The following RARB variants were observed in gnomAD, a reference collection of about 807,000 sequenced individuals.
The protein encoded by RARB is HBV-activated protein.
Under a neutral mutation model 51.9 loss-of-function variants are expected in RARB, and 17 were observed. The ratio of observed to expected loss-of-function variants is 0.33; its 90% CI spans 0.22 to 0.49. The LOEUF (loss-of-function observed/expected upper bound fraction) is 0.49, where lower values mean the gene tolerates loss of function less well. Among genes scored for constraint, RARB ranks in the 20% least tolerant of loss-of-function variants. RARB has a pLI of 0.99. For synonymous variants in RARB, 215 were observed against 195.4 expected, an observed-to-expected ratio of 1.10 and a Z score of -0.84; for missense variants, 369 against 550.8, an observed-to-expected ratio of 0.67 and a Z score of 3.30.
chr3:25,208,765 C>G (rs1052999524), intron 5 of RARB, among the ~76,000 whole-genome samples: 1 of 152,138 alleles, frequency 6.6e-6, no homozygotes, highest in African/African-American at 2.4e-5. Flanking sequence ...CACATGTTGG[C>G]TGCCAAGTTC....
intron 2 of RARB, among the ~76,000 whole-genome samples, chr3:25,036,570 C>A (rs1358102473): frequency 2.6e-5 from 4 of 152,066 alleles, no homozygotes; most frequent in Non-Finnish European, 5.9e-5. Flanking sequence ...AAAACACAAG[C>A]TTGAAGATTA....
chr3:25,419,876 C>T (rs896298597), intron 5 of RARB, among the ~76,000 whole-genome samples: 2 of 151,996 alleles, frequency 1.3e-5, no homozygotes, highest in Non-Finnish European at 2.9e-5. Context: ...CTTTGCTTAT[C>T]TTTTTTTGAA....
chr3:24,976,158 C>A (rs1696507655), intron 2 of RARB, among the ~76,000 whole-genome samples: 1 of 152,146 alleles, frequency 6.6e-6, no homozygotes, highest in Non-Finnish European at 1.5e-5. Flanking sequence ...TTTTCTTAAT[C>A]TAGTCTATTA....
intron 5 of RARB, among the ~76,000 whole-genome samples, chr3:25,195,631 A>G (rs1701215012): frequency 6.6e-6 from 1 of 152,010 alleles, no homozygotes; most frequent in Non-Finnish European, 1.5e-5. Flanking sequence ...TACAGAACAA[A>G]GGTGCATTGA....
At chr3:25,434,214 A>G (rs1230213078) in intron 1 of RARB, among the ~76,000 whole-genome samples, 2 of 152,216 alleles carry the variant, frequency 1.3e-5, no homozygotes, top group African/African-American at 4.8e-5. Context: ...GAGAAAGAAG[A>G]AAGCTGATTT....
intron 1 of RARB, among the ~76,000 whole-genome samples, chr3:25,452,662 AGC>A (rs2125543697): frequency 1.2e-5 from 1 of 84,194 alleles, no homozygotes; most frequent in South Asian, 3.3e-4. Context: ...GAATTTAAAA[AGC>A]GGGGGGGGTT....
chr3:25,220,759 A>G (rs1476775948), intron 5 of RARB, among the ~76,000 whole-genome samples: 3 of 152,160 alleles, frequency 2.0e-5, no homozygotes, highest in African/African-American at 7.2e-5. Flanking sequence ...TCTTTCCTTT[A>G]TAAATTACCC....
chr3:25,527,495 T>C (rs557394105), intron 3 of RARB, among the ~76,000 whole-genome samples: 1 of 152,330 alleles, frequency 6.6e-6, no homozygotes, highest in South Asian at 2.1e-4. Flanking sequence ...ATTAGTCAGC[T>C]GTGGGTTCAA....
At chr3:24,896,383 C>A (rs1703479517) in intron 2 of RARB, among the ~76,000 whole-genome samples, 1 of 152,112 alleles carries the variant, frequency 6.6e-6, no homozygotes, top group African/African-American at 2.4e-5. Flanking sequence ...CTTCAGCCTC[C>A]TGAGTAGCTG....
At chr3:25,583,067 G>A (rs1435346153) in intron 5 of RARB, among the ~76,000 whole-genome samples, 2 of 152,122 alleles carry the variant, frequency 1.3e-5, no homozygotes, top group East Asian at 3.9e-4. Context: ...AGGAGTCTGG[G>A]TTGGGGTGCA....
intron 3 of RARB, among the ~76,000 whole-genome samples, chr3:25,568,430 G>C (rs759417689): frequency 1.3e-5 from 2 of 152,140 alleles, no homozygotes; most frequent in Non-Finnish European, 2.9e-5. Context: ...GGTCTCCCCA[G>C]CTGCCCTCCC....
At chr3:25,121,622 G>T (rs1029601009) in intron 3 of RARB, among the ~76,000 whole-genome samples, 1 of 152,154 alleles carries the variant, frequency 6.6e-6, no homozygotes, top group African/African-American at 2.4e-5. Flanking sequence ...CCTAAGGGTA[G>T]TTTGCAAAGA....
chr3:25,496,660 C>G (rs1697049169), intron 2 of RARB, among the ~76,000 whole-genome samples: 1 of 152,198 alleles, frequency 6.6e-6, no homozygotes, highest in South Asian at 2.1e-4. Flanking sequence ...AAGTATCATC[C>G]TTGAATAGGT....
At chr3:25,404,717 C>T (rs1707359708) in intron 5 of RARB, among the ~76,000 whole-genome samples, 1 of 152,082 alleles carries the variant, frequency 6.6e-6, no homozygotes, top group Admixed American at 6.6e-5. Flanking sequence ...AAGGGTTGCC[C>T]ACAAAGAGAA....
chr3:25,501,988 G>T (rs112245973), intron 3 of RARB, among the ~76,000 whole-genome samples: 8 of 152,254 alleles, frequency 5.3e-5, no homozygotes, highest in African/African-American at 1.4e-4. Context: ...AACAAATTTC[G>T]CTCTTTCTCT....
rs924471871 is a variant in RARB at position 24,914,187 on chromosome 3, C to G, written c.-380+55435C>G. On this transcript the variant is annotated intron_variant, in intron 2 of 11. Transcript: ENST00000383772. ...CATGTTATAGCTCAGGGATCTGAGACACAAAATGTTTAAATTTGTCCAGCA... is the reference window on the plus strand; with the variant it reads ...CATGTTATAGCTCAGGGATCTGAGAGACAAAATGTTTAAATTTGTCCAGCA... Among the ~76,000 whole-genome samples, 9 of 152,302 alleles carry G rather than the reference C, an allele frequency of 5.9e-5. 1 individual carries two copies. Among genetic ancestry groups the G allele is most frequent in the African/African-American group, 2.2e-4 (9 of 41,574 alleles).
chr3:25,294,822 G>T (rs952281182), intron 5 of RARB, among the ~76,000 whole-genome samples: 3 of 152,128 alleles, frequency 2.0e-5, no homozygotes, highest in African/African-American at 4.8e-5. Context: ...GGGAGTGGAG[G>T]GGGGAAGGAA....
chr3:25,236,463 G>C (rs974468846), intron 5 of RARB, among the ~76,000 whole-genome samples: 5 of 151,988 alleles, frequency 3.3e-5, no homozygotes, highest in Non-Finnish European at 5.9e-5. Context: ...AAAATGTCCT[G>C]AATTTTTGAA....
At chr3:25,349,685 G>T (rs148201908) in intron 5 of RARB, among the ~76,000 whole-genome samples, 1 of 152,058 alleles carries the variant, frequency 6.6e-6, no homozygotes, top group African/African-American at 2.4e-5. Flanking sequence ...TTAAACCAAA[G>T]TTGTACATTT....
Sources: allele counts gnomAD v4.1 joint callset (sites outside exome capture counted in the v4.1 genomes callset), GRCh38; gene constraint gnomAD v4.1.1; transcripts MANE v1.5; gene names NCBI Gene and HGNC (gene_info 2026-07-23, HGNC 2026-07-21).